ARMCX4: variants seen among roughly 807,000 people sequenced by gnomAD.
The protein encoded by ARMCX4 is armadillo repeat containing X-linked 4.
A neutral mutation model predicts 34.7 loss-of-function variants in ARMCX4; 3 were observed. The observed-to-expected ratio is 0.09, with a 90% confidence interval of 0.04 to 0.22. The LOEUF (loss-of-function observed/expected upper bound fraction) is 0.22. Ranked by LOEUF, ARMCX4 falls within the 10% of genes least tolerant of loss-of-function variation. The pLI is 1.00. For missense variants in ARMCX4, 1,448 were observed against 1,720.8 expected, an observed-to-expected ratio of 0.84 and a Z score of 2.81; for synonymous variants, 513 against 632.8, an observed-to-expected ratio of 0.81 and a Z score of 2.84.
At chrX:101,477,546 C>T (rs1933256404) in intron 4 of ARMCX4, among the ~76,000 whole-genome samples, 2 of 108,106 alleles carry the variant, frequency 1.9e-5, no homozygotes, top group South Asian at 8.1e-4. Context: ...AAAGTTCTTC[C>T]CCAAGCCTTT....
Position 101,485,509 on chromosome X carries a change from G to A in ARMCX4, c.-458G>A. ...GCCCTGCGCTCGGCGGGCTGGCATC[G>A]GGCCCGGGGAAAGCGGAGCAGGTAA... On this transcript the variant is annotated 5_prime_UTR_variant, in exon 1 of 6. Coordinates refer to ENST00000423738, the MANE Select transcript of ARMCX4 (RefSeq NM_001256155.3). 4.5e-6 allele frequency: 3 copies of A among 671,123 alleles called. No individual in the cohort carries two copies. The African/African-American group carries it at 7.1e-5, about 16-fold the overall frequency. 55.3% of individuals were successfully genotyped at this position (671,123 alleles called of 1,213,427 possible).
intron 4 of ARMCX4, among the ~76,000 whole-genome samples, chrX:101,475,247 C>G (rs983761405): frequency 1.8e-5 from 2 of 110,940 alleles, no homozygotes; most frequent in African/African-American, 6.6e-5. Context: ...CCTGGGAGAT[C>G]AAGGCTGCAG....
downstream of ARMCX4, chrX:101,498,029 C>T (rs1373673902): frequency 3.5e-5 from 9 of 256,783 alleles, no homozygotes; most frequent in Non-Finnish European, 6.6e-5. Context: ...GGTTACACCC[C>T]CTACCTGGGG....
At position 101,494,339 on chromosome X, in the gene ARMCX4, A is replaced by T; in HGVS notation, c.5750A>T (p.Lys1917Met). The T allele has an allele frequency of 8.7e-7, 1 of 1,154,753 alleles. No individual in the cohort carries two copies. Among genetic ancestry groups the T allele is most frequent in the Non-Finnish European group, 1.1e-6 (1 of 872,255 alleles). ...GAGAACAGTAATACGTTCAGATCTA[A>T]GAGTGGGAAAGATGCCAGTTTTGAG... Reference protein sequence around the residue: ...ESENSNTFRSKSGKDASFESG... With the variant: ...ESENSNTFRSMSGKDASFESG... Residue 1917 changes from lysine (K) to methionine (M), a missense_variant, in exon 6 of 6, where the codon AAG becomes ATG. Lys to Met is a moderately conservative substitution (Grantham distance 95). Transcript: ENST00000423738.
At chrX:101,510,621 T>C (rs1437379476) in intron 10 of ARMCX4, among the ~76,000 whole-genome samples, 1 of 112,017 alleles carries the variant, frequency 8.9e-6, no homozygotes, top group African/African-American at 3.2e-5. Context: ...TTCTCACCTT[T>C]CTCTACTTTA....
exon 13 of ARMCX4, chrX:101,533,343 A>C (rs1310790836): frequency 9.0e-6 from 1 of 110,795 alleles, no homozygotes; most frequent in African/African-American, 3.3e-5. Context: ...TCTTAGGCCT[A>C]GGGTAACAGC....
At chrX:101,524,827 A>G (rs1934929591) in intron 11 of ARMCX4, among the ~76,000 whole-genome samples, 1 of 111,825 alleles carries the variant, frequency 8.9e-6, no homozygotes, top group Admixed American at 9.4e-5. Flanking sequence ...CCACAGCTCA[A>G]CGAGACCTGC....
At chrX:101,450,039 CCTTT>C (rs1555998836), downstream of ARMCX4, among the ~76,000 whole-genome samples, 1 of 111,834 alleles carries the variant, frequency 8.9e-6, no homozygotes, top group African/African-American at 3.2e-5. Flanking sequence ...TTTTCTCTTC[CCTTT>C]CTTTCTCTGA....
intron 7 of ARMCX4, among the ~76,000 whole-genome samples, chrX:101,503,723 C>G (rs1934367236): frequency 9.0e-6 from 1 of 110,902 alleles, no homozygotes; most frequent in Admixed American, 9.5e-5. Flanking sequence ...AAATTTTCTC[C>G]CATTCTGTAG....
At chrX:101,435,665 A>G (rs1243800755) in intron 2 of ARMCX4, among the ~76,000 whole-genome samples, 1 of 109,215 alleles carries the variant, frequency 9.2e-6, no homozygotes, top group Non-Finnish European at 1.9e-5. Context: ...CCATTTGTCA[A>G]TTTTGGCTTT....
chrX:101,421,980 T>C (rs1929293250), intron 2 of ARMCX4, among the ~76,000 whole-genome samples: 1 of 99,254 alleles, frequency 1.0e-5, no homozygotes, highest in African/African-American at 4.0e-5. Flanking sequence ...CCCAGAGCAT[T>C]TGGGGGATCA....
chrX:101,432,998 A>ATGTG (rs1569314934), intron 2 of ARMCX4, among the ~76,000 whole-genome samples: 5 of 97,816 alleles, frequency 5.1e-5, no homozygotes, highest in Non-Finnish European at 4.2e-5. Flanking sequence ...ATGTATACAT[A>ATGTG]TATGTGTATA....
intron 11 of ARMCX4, chrX:101,516,475 C>A (rs1934747681): frequency 9.0e-6 from 1 of 111,472 alleles, no homozygotes. Context: ...CTTATTACCC[C>A]CTAGCTAAAG....
chrX:101,432,189 A>G (rs1186453060), intron 2 of ARMCX4, among the ~76,000 whole-genome samples: 1 of 111,810 alleles, frequency 8.9e-6, no homozygotes, highest in Non-Finnish European at 1.9e-5. Context: ...TCACTGAATG[A>G]CAACTTAGCC....
intron 11 of ARMCX4, among the ~76,000 whole-genome samples, chrX:101,512,860 G>A (rs868980834): frequency 1.3e-4 from 13 of 97,350 alleles, no homozygotes; most frequent in South Asian, 4.9e-4. Context: ...GTGTATATAT[G>A]TATATATATG....
chrX:101,448,741 T>A (rs782626617), downstream of ARMCX4, among the ~76,000 whole-genome samples: 8 of 108,788 alleles, frequency 7.4e-5, no homozygotes, highest in South Asian at 1.2e-3. Context: ...TACAGGCACA[T>A]GCCACCATGC....
chrX:101,495,822 C>T (rs1482288335), downstream of ARMCX4: 1 of 135,978 alleles, frequency 7.4e-6, no homozygotes, highest in African/African-American at 3.2e-5. Flanking sequence ...TTGTCCTTGT[C>T]CTTGAGTTTA....
At chrX:101,512,132 A>G (rs1278923877) in intron 11 of ARMCX4, among the ~76,000 whole-genome samples, 1 of 111,177 alleles carries the variant, frequency 9.0e-6, no homozygotes, top group East Asian at 2.8e-4. Context: ...CTGTAATCCC[A>G]GCACTTCGGG....
intron 2 of ARMCX4, among the ~76,000 whole-genome samples, chrX:101,424,517 G>A (rs1929485200): frequency 9.0e-6 from 1 of 111,466 alleles, no homozygotes; most frequent in South Asian, 3.7e-4. Context: ...CTCTCAAACT[G>A]TGGGATCTGA....
Sources: allele counts gnomAD v4.1 joint callset (sites outside exome capture counted in the v4.1 genomes callset), GRCh38; gene constraint gnomAD v4.1.1; transcripts MANE v1.5; gene names NCBI Gene and HGNC (gene_info 2026-07-23, HGNC 2026-07-21).